CLU: variants seen among roughly 807,000 people sequenced by gnomAD.
CLU encodes clusterin.
A neutral mutation model predicts 46.4 loss-of-function variants in CLU; 25 were observed. The ratio of observed to expected loss-of-function variants is 0.54; its 90% CI spans 0.39 to 0.75. CLU has a LOEUF of 0.75. CLU is among the 30% of genes least tolerant of loss of function. The pLI is 0.00. For missense variants in CLU, 504 were observed against 592.1 expected (o/e 0.85, Z 1.54); for synonymous variants, 235 against 235.1 (o/e 1.00, Z 0.00).
Position 27,597,220 on chromosome 8 carries a change from T to G in CLU, c.*1021A>C. 2.2e-6 allele frequency: 1 copy of G among 454,488 alleles called. No homozygotes were observed. The highest frequency in any genetic ancestry group is 1.6e-5 in the South Asian group (1 of 64,478). The allele number at this position is 454,488 out of a possible 1,614,324, so 28.2% of individuals were successfully genotyped here. On this transcript the variant is annotated 3_prime_UTR_variant, in exon 9 of 9. Coordinates refer to ENST00000316403, the MANE Select transcript of CLU (RefSeq NM_001831.4). ...CACCTGGGATGCAGCCAGATGAGTT[T>G]TGTTCCATTGCAGTACATCTGATGA...
intron 1 of CLU, among the ~76,000 whole-genome samples, chr8:27,613,113 G>T (rs948415803): frequency 5.9e-5 from 9 of 152,218 alleles, no homozygotes; most frequent in African/African-American, 2.2e-4. Context: ...CTGGCAGGGC[G>T]CATTGATTCA....
chr8:27,600,330 G>A (rs531873575), intron 6 of CLU, among the ~76,000 whole-genome samples: 83 of 151,918 alleles, frequency 5.5e-4, no homozygotes, highest in Non-Finnish European at 1.0e-3. Flanking sequence ...GACTTCCCAG[G>A]CTCAGGCTGT....
At position 27,610,532 on chromosome 8, in the gene CLU, T is replaced by TCAG; in HGVS notation, c.37_39dup (p.Leu13dup). On this transcript the variant is annotated inframe_insertion, in exon 2 of 9. Transcript: ENST00000316403. ...CCCAGGACCTGCCCACTCTCCCAGG[T>TCAG]CAGCAGCAGCCCCACAAACAGCAGC... 6.2e-7 allele frequency: 1 copy of TCAG among 1,614,222 alleles called. No homozygotes were observed. Among genetic ancestry groups the TCAG allele is most frequent in the Middle Eastern group, 1.6e-4 (1 of 6,062 alleles).
At position 27,604,840 on chromosome 8, in the gene CLU, G is replaced by A. The variant is rs1403805889; in HGVS notation, c.829+84C>T. 7 of 1,479,096 alleles carry A rather than the reference G, an allele frequency of 4.7e-6. No individual in the cohort carries two copies. In the Admixed American group the frequency reaches 5.1e-5, roughly 11 times the overall value. The allele number at this position is 1,479,096 out of a possible 1,614,324, so 91.6% of individuals were successfully genotyped here. A position where few individuals can be genotyped will look rare whatever the true frequency, so the allele number is the denominator to read the frequency against. On this transcript the variant is annotated intron_variant, in intron 5 of 8. Coordinates refer to ENST00000316403, the MANE Select transcript of CLU (RefSeq NM_001831.4). Reference sequence around the variant, plus strand: ...CTTGTGATATTGCTGGAGAAAAATCGAGATGACACCCGCTGAGCCCTCGGC... The same window carrying A: ...CTTGTGATATTGCTGGAGAAAAATCAAGATGACACCCGCTGAGCCCTCGGC...
In CLU at chr8:27,598,756, G is replaced by A. The variant is rs1020360923; in HGVS notation, c.1165-121C>T. On this transcript the variant is annotated intron_variant, in intron 7 of 8. Coordinates refer to ENST00000316403, the MANE Select transcript of CLU (RefSeq NM_001831.4). ...CTGCTTCTCCAAGGAAACCTAGAGA[G>A]CTGACCCCATGCTTCTTATACATCT... is the stretch of plus-strand genomic sequence containing the variant. 34 of 921,850 alleles carry A rather than the reference G, an allele frequency of 3.7e-5. No homozygotes were observed. The African/African-American group carries it at 3.8e-4, about 10-fold the overall frequency. The allele number at this position is 921,850 out of a possible 1,614,324, so 57.1% of individuals were successfully genotyped here. A position where few individuals can be genotyped will look rare whatever the true frequency, so the allele number is the denominator to read the frequency against.
chr8:27,605,404 C>T, intron 4 of CLU, 69 bp from the exon 5 acceptor site: 1 of 1,558,476 alleles, frequency 6.4e-7, no homozygotes, highest in South Asian at 1.1e-5. Context: ...CCTCCCACCC[C>T]CTGGTGAGCC....
At chr8:27,609,506 G>T (rs757285728) in intron 2 of CLU, among the ~76,000 whole-genome samples, 6 of 152,096 alleles carry the variant, frequency 3.9e-5, no homozygotes, top group Non-Finnish European at 8.8e-5. Context: ...GTATTTCTTT[G>T]TTCCAATGCA....
At chr8:27,600,377 G>A (rs1239803703) in intron 6 of CLU, among the ~76,000 whole-genome samples, 1 of 152,088 alleles carries the variant, frequency 6.6e-6, no homozygotes, top group African/African-American at 2.4e-5. Flanking sequence ...TGGGACTATA[G>A]GCACATGCTA....
intron 4 of CLU, 49 bp downstream of exon 4, chr8:27,606,305 C>G: frequency 1.2e-6 from 2 of 1,600,190 alleles, no homozygotes; most frequent in Non-Finnish European, 1.7e-6. Context: ...CACTAGGCTC[C>G]CCTCCTTCCC....
chr8:27,610,311 G>A (rs1187613711), intron 2 of CLU, among the ~76,000 whole-genome samples, 164 bp downstream of exon 2: 1 of 152,216 alleles, frequency 6.6e-6, no homozygotes, highest in Non-Finnish European at 1.5e-5. Context: ...CCTCGGAGCT[G>A]AGGCTCAGAG....
Position 27,604,923 on chromosome 8 carries a change from C to T in CLU, c.829+1G>A. On this transcript the variant is annotated splice_donor_variant, in intron 5 of 8. Transcript: ENST00000316403. LOFTEE classifies it high-confidence loss of function. ...GGCCATGAGCTTCCACCCCTTCTCA[C>T]CTCGTATGAATTCTGTTGGCGGGTG... The T allele has an allele frequency of 6.2e-7, 1 of 1,614,198 alleles. No homozygotes were observed. The highest frequency in any genetic ancestry group is 8.5e-7 in the Non-Finnish European group (1 of 1,180,050).
chr8:27,612,557 T>C (rs748089073), intron 1 of CLU, among the ~76,000 whole-genome samples: 13 of 152,112 alleles, frequency 8.5e-5, no homozygotes, highest in Non-Finnish European at 1.8e-4. Context: ...GTGGCTCTGC[T>C]TTGCTGAAAT....
rs752908775 is a variant in CLU at position 27,598,194 on chromosome 8, G to C, written c.*47C>G. The C allele has an allele frequency of 6.2e-7, 1 of 1,606,708 alleles. No individual in the cohort carries two copies. The highest frequency in any genetic ancestry group is 8.5e-7 in the Non-Finnish European group (1 of 1,173,892). Reference sequence around the variant, plus strand: ...GGGGGGCTGCAGCTCATCTTGGGGGGAGCTGGACTCAGATGCCCCCGTAGG... The same window carrying C: ...GGGGGGCTGCAGCTCATCTTGGGGGCAGCTGGACTCAGATGCCCCCGTAGG... On this transcript the variant is annotated 3_prime_UTR_variant, in exon 9 of 9. Coordinates refer to ENST00000316403, the MANE Select transcript of CLU (RefSeq NM_001831.4).
In CLU at chr8:27,596,963, TTTACAA is replaced by T. The variant is rs1437285068; in HGVS notation, c.*1272_*1277del. 3 of 453,926 alleles carry T rather than the reference TTTACAA, an allele frequency of 6.6e-6. No individual in the cohort carries two copies. Among genetic ancestry groups the T allele is most frequent in the East Asian group, 1.4e-4 (2 of 14,330 alleles). The allele number at this position is 453,926 out of a possible 1,614,324, so 28.1% of individuals were successfully genotyped here. A position where few individuals can be genotyped will look rare whatever the true frequency, so the allele number is the denominator to read the frequency against. On this transcript the variant is annotated 3_prime_UTR_variant, in exon 9 of 9. Coordinates refer to ENST00000316403, the MANE Select transcript of CLU (RefSeq NM_001831.4). The stretch of plus-strand genomic sequence containing the variant: ...ATTAATGTGACAATGTGACATATAC[TTTACAA>T]TTATGATCACTTAAGCAAATACCTC...
chr8:27,614,250 G>A (rs1800976020), intron 1 of CLU: 1 of 157,202 alleles, frequency 6.4e-6, no homozygotes, highest in South Asian at 1.9e-4. Context: ...AGCCACAACT[G>A]AGAGATCCGC....
chr8:27,601,802 ATT>A (rs1563384532), intron 6 of CLU, among the ~76,000 whole-genome samples: 1 of 152,212 alleles, frequency 6.6e-6, no homozygotes, highest in Non-Finnish European at 1.5e-5. Context: ...CCAAAAAAAA[ATT>A]TAAAAATAAG....
intron 2 of CLU, 94 bp downstream of exon 2, chr8:27,610,381 G>A: frequency 9.9e-7 from 1 of 1,014,846 alleles, no homozygotes; most frequent in Non-Finnish European, 1.6e-6. Context: ...TGTAACACTG[G>A]GGCCTGATAG....
intron 3 of CLU, among the ~76,000 whole-genome samples, chr8:27,607,147 G>A (rs916667021): frequency 3.9e-5 from 6 of 152,168 alleles, no homozygotes; most frequent in Admixed American, 3.9e-4. Flanking sequence ...AGACCAGCCT[G>A]GCTAACATGG....
intron 1 of CLU, chr8:27,611,851 G>A (rs926313938): frequency 2.3e-6 from 1 of 438,110 alleles, no homozygotes; most frequent in Admixed American, 2.4e-5. Flanking sequence ...TGGTCTCACG[G>A]GCTCTGCCCC....
Sources: gnomAD v4.1 joint callset for allele counts (sites outside exome capture counted in the v4.1 genomes callset) on GRCh38, gnomAD v4.1.1 for gene constraint, MANE v1.5 for transcripts, NCBI Gene and HGNC (gene_info 2026-07-23, HGNC 2026-07-21) for gene names.